Variants in TBC1D9 observed in about 807,000 individuals in gnomAD.
The protein encoded by TBC1D9 is TBC1 domain family member 9A.
Under a neutral mutation model 132.0 loss-of-function variants are expected in TBC1D9, and 63 were observed. The ratio of observed to expected loss-of-function variants is 0.48; its 90% CI spans 0.39 to 0.59. The LOEUF (loss-of-function observed/expected upper bound fraction) is 0.59, where lower values mean the gene tolerates loss of function less well. TBC1D9 is among the 20% of genes least tolerant of loss of function. The pLI is 0.00. For missense variants in TBC1D9, 1,261 were observed against 1,592.7 expected, an observed-to-expected ratio of 0.79 and a Z score of 3.54; for synonymous variants, 610 against 609.9, an observed-to-expected ratio of 1.00 and a Z score of 0.00.
At chr4:140,633,220 A>T (rs982136261) in intron 16 of TBC1D9, among the ~76,000 whole-genome samples, 5 of 152,220 alleles carry the variant, frequency 3.3e-5, no homozygotes, top group African/African-American at 4.8e-5. Context: ...TTAGAATTTT[A>T]AAAAAATTGT....
At chr4:140,648,949 T>G (rs1462417568) in intron 13 of TBC1D9, among the ~76,000 whole-genome samples, 1 of 152,184 alleles carries the variant, frequency 6.6e-6, no homozygotes, top group Non-Finnish European at 1.5e-5. Flanking sequence ...GGAACAAGAG[T>G]TCCCCTGCCC....
At chr4:140,655,652 A>G (rs1737256217) in intron 13 of TBC1D9, among the ~76,000 whole-genome samples, 1 of 152,180 alleles carries the variant, frequency 6.6e-6, no homozygotes, top group Admixed American at 6.5e-5. Flanking sequence ...TTAAGGGGGA[A>G]AGTGGCACTG....
rs780935553 is a variant in TBC1D9, at chr4:140,657,157, G to A, written c.2277C>T (p.Ser759=). 34 of 1,613,740 alleles carry A rather than the reference G, an allele frequency of 2.1e-5. No homozygotes were observed. The highest frequency in any genetic ancestry group is 5.0e-5 in the Admixed American group (3 of 59,994). ...CCTCAGGGTAAGGTTCCACATCATC[G>A]CTGAGCAAGGAGTGGAGGTGAGGAA... ...PPIPHLHSLL[S]DDVEPYPEVD... The change falls in exon 13 of 21, where the codon AGC becomes AGT. Residue 759 remains serine, a synonymous_variant. Transcript: ENST00000442267.
At chr4:140,663,604 C>T (rs1305218957) in intron 9 of TBC1D9, among the ~76,000 whole-genome samples, 3 of 152,114 alleles carry the variant, frequency 2.0e-5, no homozygotes, top group Non-Finnish European at 4.4e-5. Context: ...TTTATTGCAG[C>T]ATTTTCACAA....
Position 140,622,656 on chromosome 4 carries a change from G to A in TBC1D9, c.3340C>T (p.Pro1114Ser), listed in dbSNP as rs1402311604. 1 of 1,609,846 alleles carries A rather than the reference G, an allele frequency of 6.2e-7. No individual in the cohort carries two copies. Among genetic ancestry groups the A allele is most frequent in the South Asian group, 1.1e-5 (1 of 90,414 alleles). ...TCGCTGTCGGGGGCCAGGCTGGCCG[G>A]CAGGGGCTCAACAGACTCCACCACG... ...PYVVESVEPLPASLAPDSEEH... is the reference protein window; with the variant it reads ...PYVVESVEPLSASLAPDSEEH... The change falls in exon 21 of 21, where the codon CCG becomes TCG. Residue 1114 changes from proline to serine, a missense_variant. Pro to Ser is a moderately conservative substitution (Grantham distance 74). Transcript: ENST00000442267.
At chr4:140,714,452 A>C (rs1260691498) in intron 1 of TBC1D9, among the ~76,000 whole-genome samples, 1 of 152,168 alleles carries the variant, frequency 6.6e-6, no homozygotes, top group East Asian at 1.9e-4. Flanking sequence ...TGGCGATTGA[A>C]AGTTATGATC....
At chr4:140,648,566 T>G (rs1006949230) in intron 13 of TBC1D9, among the ~76,000 whole-genome samples, 1 of 151,950 alleles carries the variant, frequency 6.6e-6, no homozygotes, top group Non-Finnish European at 1.5e-5. Context: ...TTGTATTTTT[T>G]GTAGAGATGG....
Position 140,638,612 on chromosome 4 carries a change from G to A in TBC1D9, c.2505+474C>T, listed in dbSNP as rs181510524. On this transcript the variant is annotated intron_variant, in intron 15 of 20. Coordinates refer to ENST00000442267, the MANE Select transcript of TBC1D9 (RefSeq NM_015130.3). ...GGCAACAGAGTGAGAGCAAGACTCC[G>A]TCTCAAAAAAGAATAAAAATAAAAA... Among the ~76,000 whole-genome samples, 22 of 151,934 alleles carry A rather than the reference G, an allele frequency of 1.4e-4. No individual in the cohort carries two copies. The East Asian group carries it at 2.9e-3, about 20-fold the overall frequency.
intron 1 of TBC1D9, among the ~76,000 whole-genome samples, chr4:140,710,009 A>G (rs908558909): frequency 1.3e-5 from 2 of 152,210 alleles, no homozygotes; most frequent in Non-Finnish European, 2.9e-5. Flanking sequence ...TGCTTTAAAC[A>G]GTATTAAATT....
At position 140,687,356 on chromosome 4, in the gene TBC1D9, A is replaced by T. The variant is rs199636753; in HGVS notation, c.242-894T>A. Among the ~76,000 whole-genome samples, 11 of 81,896 alleles carry T rather than the reference A, an allele frequency of 1.3e-4. 1 individual carries two copies. The highest frequency in any genetic ancestry group is 3.0e-4 in the African/African-American group (7 of 23,686). 53.7% of individuals were successfully genotyped at this position (81,896 alleles called of 152,430 possible). A position where few individuals can be genotyped will look rare whatever the true frequency, so the allele number is the denominator to read the frequency against. On this transcript the variant is annotated intron_variant, in intron 2 of 20. Transcript: ENST00000442267. ...GTGTGTGTGTGTCATATATATATATATATATATATATATATATATATATAT... is the reference window on the plus strand; with the variant it reads ...GTGTGTGTGTGTCATATATATATATTTATATATATATATATATATATATAT...
intron 1 of TBC1D9, among the ~76,000 whole-genome samples, chr4:140,719,115 A>AAAATAAATAAAT (rs200581012): frequency 4.4e-4 from 62 of 141,416 alleles, no homozygotes; most frequent in South Asian, 9.4e-4. Flanking sequence ...ACTCCATCTC[A>AAAATAAATAAAT]AAATAAATAA....
At chr4:140,679,569 T>G (rs1051760925) in intron 4 of TBC1D9, 46 bp downstream of exon 4, 4 of 1,422,116 alleles carry the variant, frequency 2.8e-6, no homozygotes, top group Non-Finnish European at 3.0e-6. Context: ...AGGGCAAACC[T>G]CAGTAGACTT....
chr4:140,643,012 T>C (rs1405531418), intron 13 of TBC1D9: 8 of 807,492 alleles, frequency 9.9e-6, no homozygotes, highest in Non-Finnish European at 1.6e-5. Context: ...AGGACGTCCA[T>C]GTCCTCCACG....
rs1736622360 is a variant in TBC1D9 at position 140,622,074 on chromosome 4, G to A, written c.*121C>T. ...TTGAATTACATTATGAAAACACTAG[G>A]CTTCAAGCCAGGTACTAATAAATAT... On this transcript the variant is annotated 3_prime_UTR_variant, in exon 21 of 21. Coordinates refer to ENST00000442267, the MANE Select transcript of TBC1D9 (RefSeq NM_015130.3). The A allele has an allele frequency of 2.2e-6, 3 of 1,333,990 alleles. No homozygotes were observed. The Admixed American group carries it at 7.7e-5, about 34-fold the overall frequency. 82.6% of individuals were successfully genotyped at this position (1,333,990 alleles called of 1,614,324 possible). A position where few individuals can be genotyped will look rare whatever the true frequency, so the allele number is the denominator to read the frequency against.
chr4:140,738,638 C>T (rs1319621236), intron 1 of TBC1D9, among the ~76,000 whole-genome samples: 3 of 152,166 alleles, frequency 2.0e-5, no homozygotes, highest in African/African-American at 7.2e-5. Context: ...TTTTGGCTTA[C>T]AAAACTTTTT....
At chr4:140,656,618 C>A (rs1737276376) in intron 13 of TBC1D9, among the ~76,000 whole-genome samples, 1 of 152,212 alleles carries the variant, frequency 6.6e-6, no homozygotes, top group Non-Finnish European at 1.5e-5. Context: ...GCAGTTAACT[C>A]CTCTCTTGCT....
chr4:140,719,155 TAAATAAAAG>T (rs1450347741), intron 1 of TBC1D9, among the ~76,000 whole-genome samples: 31 of 124,912 alleles, frequency 2.5e-4, no homozygotes, highest in Non-Finnish European at 4.0e-4. Context: ...AATAAATAAA[TAAATAAAAG>T]AAAGTGGATT....
intron 11 of TBC1D9, among the ~76,000 whole-genome samples, chr4:140,658,882 TA>T (rs1222942583): frequency 6.6e-5 from 10 of 152,136 alleles, no homozygotes; most frequent in African/African-American, 1.4e-4. Context: ...AATTACTTTT[TA>T]AAAAAACTTA....
At chr4:140,625,913 A>G (rs1405274808) in intron 18 of TBC1D9, among the ~76,000 whole-genome samples, 2 of 152,226 alleles carry the variant, frequency 1.3e-5, no homozygotes, top group Non-Finnish European at 2.9e-5. Flanking sequence ...ATTCTAAGAC[A>G]GTTTTGGCTT....
Sources: gnomAD v4.1 joint callset for allele counts (sites outside exome capture counted in the v4.1 genomes callset) on GRCh38, gnomAD v4.1.1 for gene constraint, MANE v1.5 for transcripts, NCBI Gene and HGNC (gene_info 2026-07-23, HGNC 2026-07-21) for gene names.